The following RASAL2 variants were observed in gnomAD, a reference collection of about 807,000 sequenced individuals.
RASAL2 encodes the protein RAS protein activator like 2.
RASAL2 carries 58 observed loss-of-function variants against 128.9 expected under a neutral mutation model. That is an observed-to-expected ratio of 0.45 (90% confidence interval 0.36 to 0.56). RASAL2 has a LOEUF of 0.56. Among genes scored for constraint, RASAL2 ranks in the 20% least tolerant of loss-of-function variants. RASAL2 has a pLI of 0.00. For synonymous variants in RASAL2, 561 were observed against 580.8 expected (o/e 0.97, Z 0.49); for missense variants, 1,360 against 1,601.6 (o/e 0.85, Z 2.57).
chr1:178,376,557 A>C (rs1188400894), intron 3 of RASAL2, among the ~76,000 whole-genome samples: 2 of 152,162 alleles, frequency 1.3e-5, no homozygotes, highest in Non-Finnish European at 2.9e-5. Flanking sequence ...GAAAAAACTC[A>C]TACAGGAACC....
chr1:178,286,191 CTGTTTCTTCCACCTT>C (rs1268915754), intron 2 of RASAL2, among the ~76,000 whole-genome samples: 1 of 152,164 alleles, frequency 6.6e-6, no homozygotes, highest in Non-Finnish European at 1.5e-5. Flanking sequence ...GCAAAACCAG[CTGTTTCTTCCACCTT>C]TTCTCTGAAG....
At chr1:178,228,280 T>C (rs908037704) in intron 1 of RASAL2, among the ~76,000 whole-genome samples, 5 of 152,124 alleles carry the variant, frequency 3.3e-5, no homozygotes, top group African/African-American at 1.2e-4. Context: ...ATAGGGAAGC[T>C]TATGGTAAAA....
At chr1:178,384,211 A>G (rs1046282698) in intron 3 of RASAL2, among the ~76,000 whole-genome samples, 12 of 152,224 alleles carry the variant, frequency 7.9e-5, no homozygotes, top group African/African-American at 2.9e-4. Flanking sequence ...AGAATCCTGT[A>G]TATGCCAAAG....
Position 178,458,471 on chromosome 1 carries a change from G to A in RASAL2, c.3179G>A (p.Arg1060Gln), listed in dbSNP as rs776342171. ...AEPVQNGSRS[R>Q]QQSSSSRESP... ...CCTGTGCAGAATGGGAGCCGGTCCCGGCAGCAGTCCTCTTCCTCCAGAGAG... is the reference window on the plus strand; with the variant it reads ...CCTGTGCAGAATGGGAGCCGGTCCCAGCAGCAGTCCTCTTCCTCCAGAGAG... The change falls in exon 14 of 18, where the codon CGG becomes CAG. Residue 1060 changes from arginine to glutamine, a missense_variant. By Grantham distance (43) the Arg-to-Gln change is conservative (BLOSUM62 1). Around this residue, in one of 3 missense-constraint regions of RASAL2, gnomAD observed 741 missense variants for 868.6 expected, o/e 0.85. Transcript: ENST00000367649. The A allele has an allele frequency of 3.3e-5, 53 of 1,614,020 alleles. No homozygotes were observed. Among genetic ancestry groups the A allele is most frequent in the South Asian group, 2.5e-4 (23 of 91,084 alleles).
intron 5 of RASAL2, among the ~76,000 whole-genome samples, chr1:178,432,446 G>T (rs1271333788): frequency 6.6e-6 from 1 of 151,914 alleles, no homozygotes; most frequent in Non-Finnish European, 1.5e-5. Context: ...AAATTCTTCA[G>T]TGTCTTTTGT....
intron 1 of RASAL2, among the ~76,000 whole-genome samples, chr1:178,131,953 T>C (rs536904964): frequency 6.6e-6 from 1 of 152,354 alleles, no homozygotes; most frequent in East Asian, 1.9e-4. Context: ...CTATTCTGTT[T>C]TGAGTCTTTG....
chr1:178,116,334 G>A (rs1571496156), intron 1 of RASAL2, among the ~76,000 whole-genome samples: 2 of 152,284 alleles, frequency 1.3e-5, no homozygotes, highest in African/African-American at 4.8e-5. Context: ...ACAACTAAAA[G>A]TAATGGTTTC....
intron 1 of RASAL2, among the ~76,000 whole-genome samples, chr1:178,256,107 C>T (rs1665331006): frequency 6.6e-6 from 1 of 152,088 alleles, no homozygotes; most frequent in African/African-American, 2.4e-5. Flanking sequence ...GAGGGGCATC[C>T]TCAATAAAAT....
chr1:178,322,454 G>A (rs1394190668), intron 3 of RASAL2, among the ~76,000 whole-genome samples: 1 of 152,034 alleles, frequency 6.6e-6, no homozygotes, highest in Non-Finnish European at 1.5e-5. Flanking sequence ...TTCCAGACCT[G>A]AATTCCCAAC....
rs200934512 is a variant in RASAL2, at chr1:178,128,918, T to TATTC, written c.202+34244_202+34247dup. ...TTGTATAGATATACCATACTTTGTTTATTCATTCATTCATTCATTCATTAG... is the reference window on the plus strand; with the variant it reads ...TTGTATAGATATACCATACTTTGTTTATTCATTCATTCATTCATTCATTCATTAG... On this transcript the variant is annotated intron_variant, in intron 1 of 17. Coordinates refer to ENST00000367649, the MANE Select transcript of RASAL2 (RefSeq NM_170692.4). Among the ~76,000 whole-genome samples, 1,019 of 152,220 alleles carry TATTC rather than the reference T, an allele frequency of 6.7e-3. 7 individuals are homozygous for TATTC. The highest frequency in any genetic ancestry group is 0.022 in the African/African-American group (935 of 41,564).
chr1:178,437,280 A>G (rs1676312604), intron 5 of RASAL2, among the ~76,000 whole-genome samples: 1 of 152,122 alleles, frequency 6.6e-6, no homozygotes, highest in Admixed American at 6.6e-5. Flanking sequence ...AACACCTGGA[A>G]AACATTTATT....
chr1:178,391,651 T>C (rs1227254869), intron 4 of RASAL2, among the ~76,000 whole-genome samples: 2 of 152,194 alleles, frequency 1.3e-5, no homozygotes, highest in African/African-American at 4.8e-5. Flanking sequence ...GTGGACTCTT[T>C]GAATTTGGGA....
At position 178,454,053 on chromosome 1, in the gene RASAL2, G is replaced by A. The variant is rs973860127; in HGVS notation, c.2010-394G>A. ...AGTTTTTCTCTAGTGCAAGTAAATA[G>A]CATGGGCAAAAGCTTGGAGAAGAAA... On this transcript the variant is annotated intron_variant, in intron 11 of 17. Coordinates refer to ENST00000367649, the MANE Select transcript of RASAL2 (RefSeq NM_170692.4). Among the ~76,000 whole-genome samples the A allele has an allele frequency of 3.3e-5, 5 of 152,050 alleles. No individual in the cohort carries two copies. The Middle Eastern group carries it at 0.014, about 414-fold the overall frequency.
At chr1:178,436,284 C>T (rs2102817568) in intron 5 of RASAL2, among the ~76,000 whole-genome samples, 1 of 152,078 alleles carries the variant, frequency 6.6e-6, no homozygotes, top group African/African-American at 2.4e-5. Context: ...ATATTCGTGA[C>T]TTTGGTTTTC....
At chr1:178,308,662 C>G (rs555402773) in intron 3 of RASAL2, among the ~76,000 whole-genome samples, 1 of 151,204 alleles carries the variant, frequency 6.6e-6, no homozygotes, top group Non-Finnish European at 1.5e-5. Flanking sequence ...TCTCCCACCT[C>G]CACCTGCCAA....
intron 2 of RASAL2, among the ~76,000 whole-genome samples, chr1:178,297,467 C>T (rs1041190762): frequency 2.0e-5 from 3 of 151,170 alleles, no homozygotes; most frequent in Middle Eastern, 3.4e-3. Context: ...ATCAGCTGGG[C>T]GTGGTGGCGG....
At chr1:178,357,838 A>G (rs74226617) in intron 3 of RASAL2, among the ~76,000 whole-genome samples, 2 of 152,266 alleles carry the variant, frequency 1.3e-5, no homozygotes, top group East Asian at 3.9e-4. Context: ...TTATTTGACT[A>G]CTGTATAATT....
At chr1:178,352,543 G>T (rs1027012278) in intron 3 of RASAL2, among the ~76,000 whole-genome samples, 2 of 152,122 alleles carry the variant, frequency 1.3e-5, no homozygotes, top group Non-Finnish European at 2.9e-5. Context: ...GTTTTTCCAG[G>T]TGCAGGGTGC....
intron 14 of RASAL2, 27 bp from the exon 15 acceptor site, chr1:178,464,251 A>C (rs762017273): frequency 6.3e-7 from 1 of 1,587,184 alleles, no homozygotes; most frequent in East Asian, 2.3e-5. Context: ...CTGTTAGGGG[A>C]AATGCTAATA....
Sources: gnomAD v4.1 joint callset for allele counts (sites outside exome capture counted in the v4.1 genomes callset) on GRCh38, gnomAD v4.1.1 for gene constraint, gnomAD v4.1.1 regional missense constraint, MANE v1.5 for transcripts, NCBI Gene and HGNC (gene_info 2026-07-23, HGNC 2026-07-21) for gene names.